Variants in ZNF12 observed in about 807,000 individuals in gnomAD.
The protein encoded by ZNF12 is zinc finger protein 12, also known as gonadotropin inducible transcription repressor 3.
Under a neutral mutation model 66.6 loss-of-function variants are expected in ZNF12, and 34 were observed. The observed-to-expected ratio is 0.51, with a 90% CI of 0.39 to 0.68. ZNF12 has a LOEUF of 0.68. Ranked by LOEUF, ZNF12 falls within the 30% of genes least tolerant of loss-of-function variation. The probability of loss-of-function intolerance (pLI) is 0.00; values close to 1 mark genes in which losing one functional copy is unlikely to be tolerated. For missense variants in ZNF12, 697 were observed against 826.9 expected, an observed-to-expected ratio of 0.84 and a Z score of 1.93; for synonymous variants, 320 against 278.9, an observed-to-expected ratio of 1.15 and a Z score of -1.47.
Position 6,692,008 on chromosome 7 carries a change from G to A in ZNF12, c.934C>T (p.Leu312Phe). ...CGKSFCQKGT[L>F]TVHQRTHTGE... ...GTGTGTGTTCTCTGATGCACAGTAA[G>A]GGTTCCCTTCTGGCAGAAGGATTTC... Residue 312 changes from leucine to phenylalanine, a missense_variant, in exon 5 of 5, where the codon CTT becomes TTT. By Grantham distance (22) the Leu-to-Phe change is conservative (BLOSUM62 0). Coordinates refer to ENST00000405858, the MANE Select transcript of ZNF12 (RefSeq NM_016265.4). This position sits in a 1 kb window ranked among gnomAD's most constrained non-coding sequence, Gnocchi z 5.1. 6.2e-7 allele frequency: 1 copy of A among 1,613,814 alleles called. No individual in the cohort carries two copies. The highest frequency in any genetic ancestry group is 8.5e-7 in the Non-Finnish European group (1 of 1,179,928).
intron 2 of ZNF12, among the ~76,000 whole-genome samples, chr7:6,700,255 A>T (rs1406229388): frequency 6.7e-6 from 1 of 150,100 alleles, no homozygotes; most frequent in African/African-American, 2.5e-5. Context: ...ACTGTACTCC[A>T]GCCTGGGCAA....
At chr7:6,702,398 AAC>A in intron 2 of ZNF12, among the ~76,000 whole-genome samples, 2 of 3,364 alleles carry the variant, frequency 5.9e-4, no homozygotes, top group African/African-American at 1.4e-3. Context: ...ACACACACAC[AAC>A]CAGATTCGTC....
chr7:6,705,333 A>G lies in ZNF12; in HGVS notation c.-50-110T>C. 1 of 735,926 alleles carries G rather than the reference A, an allele frequency of 1.4e-6. No individual in the cohort carries two copies. Among genetic ancestry groups the G allele is most frequent in the Non-Finnish European group, 2.2e-6 (1 of 444,648 alleles). The allele number at this position is 735,926 out of a possible 1,614,324, so 45.6% of individuals were successfully genotyped here. On this transcript the variant is annotated intron_variant, in intron 1 of 4. Transcript: ENST00000405858. The surrounding 1 kb of genome is among the most constrained non-coding windows in gnomAD (Gnocchi z 4.0). ...AGTTCCAAGAAGTACATCTTGTGGG[A>G]GACTGTCCCTTTAAGCCTTCAGAAG... is the stretch of plus-strand genomic sequence containing the variant.
rs1366189092 is a variant in ZNF12 at position 6,698,901 on chromosome 7, T to C, written c.16-1090A>G. Among the ~76,000 whole-genome samples, 1 of 152,228 alleles carries C rather than the reference T, an allele frequency of 6.6e-6. No individual in the cohort carries two copies. The highest frequency in any genetic ancestry group is 1.9e-4 in the East Asian group (1 of 5,204). On this transcript the variant is annotated intron_variant, in intron 2 of 4. Coordinates refer to ENST00000405858, the MANE Select transcript of ZNF12 (RefSeq NM_016265.4). This position sits in a 1 kb window ranked among gnomAD's most constrained non-coding sequence, Gnocchi z 4.4. ...AAAATAAAGAGAATAATGCTACCTA[T>C]ACATAATACCAGTATTAAATGGACT...
chr7:6,694,138 G>GCCTGGGT (rs1383252601), intron 4 of ZNF12, among the ~76,000 whole-genome samples: 5 of 145,016 alleles, frequency 3.4e-5, no homozygotes, highest in Non-Finnish European at 6.3e-5. Flanking sequence ...CTGCACCCCA[G>GCCTGGGT]CCTGGGTGAC....
In ZNF12 at chr7:6,689,393, C is replaced by T. The variant is rs1245338302; in HGVS notation, c.*1455G>A. 1 of 152,214 alleles carries T rather than the reference C, an allele frequency of 6.6e-6. No homozygotes were observed. Among genetic ancestry groups the T allele is most frequent in the African/African-American group, 2.4e-5 (1 of 41,462 alleles). The allele number at this position is 152,214 out of a possible 1,614,324, so 9.4% of individuals were successfully genotyped here. A position where few individuals can be genotyped will look rare whatever the true frequency, so the allele number is the denominator to read the frequency against. ...TGAATCCTTGGGCCTTTGAGAAAAC[C>T]TTTTCCAGAAGTAGTCTGTCAGGTA... On this transcript the variant is annotated 3_prime_UTR_variant, in exon 5 of 5. Transcript: ENST00000405858.
Position 6,696,431 on chromosome 7 carries a change from G to A in ZNF12, c.238+908C>T, listed in dbSNP as rs1780156241. Reference sequence around the variant, plus strand: ...GCCTGATGAGAACAAGAGCAGCTCTGTAACTGGTATCACAGAAAATACCAG... The same window carrying A: ...GCCTGATGAGAACAAGAGCAGCTCTATAACTGGTATCACAGAAAATACCAG... On this transcript the variant is annotated intron_variant, in intron 4 of 4. Coordinates refer to ENST00000405858, the MANE Select transcript of ZNF12 (RefSeq NM_016265.4). The surrounding 1 kb of genome is among the most constrained non-coding windows in gnomAD (Gnocchi z 4.0). 6.6e-6 allele frequency among the ~76,000 whole-genome samples: 1 copy of A among 152,206 alleles called. No individual in the cohort carries two copies. The highest frequency in any genetic ancestry group is 2.4e-5 in the African/African-American group (1 of 41,454).
rs1390830750 is a variant in ZNF12 at position 6,692,155 on chromosome 7, G to GAGAT, written c.783_786dup (p.His263IlefsTer9). ...CATTCATAGGGCTTCATTTCCATAT[G>GAGAT]AGATGTCTGATGTACAGTGAGGTCC... On this transcript the variant is annotated frameshift_variant, in exon 5 of 5. Coordinates refer to ENST00000405858, the MANE Select transcript of ZNF12 (RefSeq NM_016265.4). LOFTEE classifies it high-confidence loss of function. This position sits in a 1 kb window ranked among gnomAD's most constrained non-coding sequence, Gnocchi z 5.1. The GAGAT allele has an allele frequency of 6.2e-7, 1 of 1,614,026 alleles. No individual in the cohort carries two copies. The highest frequency in any genetic ancestry group is 1.3e-5 in the African/African-American group (1 of 74,932).
chr7:6,694,757 T>C (rs996934138), intron 4 of ZNF12, among the ~76,000 whole-genome samples: 1 of 152,072 alleles, frequency 6.6e-6, no homozygotes, highest in African/African-American at 2.4e-5. Flanking sequence ...GTAGGGGATT[T>C]CCATGCTTGA....
At chr7:6,704,693 T>C (rs187049912) in intron 2 of ZNF12, among the ~76,000 whole-genome samples, 2 of 119,988 alleles carry the variant, frequency 1.7e-5, no homozygotes, top group African/African-American at 3.3e-5. Flanking sequence ...TGAGCTGAGA[T>C]AGCGCCACTG....
chr7:6,700,778 T>TTCTAAGGAAGC (rs1780229865), intron 2 of ZNF12: 1 of 152,160 alleles, frequency 6.6e-6, no homozygotes, highest in Non-Finnish European at 1.5e-5. Context: ...GAAGTCCAAA[T>TTCTAAGGAAGC]TCTAAGGAAG....
chr7:6,706,393 A>T, intron 1 of ZNF12, 39 bp downstream of exon 1: 1 of 461,964 alleles, frequency 2.2e-6, no homozygotes, highest in Non-Finnish European at 4.3e-6. Flanking sequence ...GACTTCACCC[A>T]GGCCCTTCTC....
intron 2 of ZNF12, among the ~76,000 whole-genome samples, chr7:6,704,568 TAA>T (rs752684046): frequency 1.6e-3 from 133 of 84,842 alleles, no homozygotes; most frequent in African/African-American, 5.4e-3. Flanking sequence ...GTCTCTACTT[TAA>T]AAAAAAAAAA....
chr7:6,701,639 GC>G lies in ZNF12; in HGVS notation c.15+3519del, dbSNP rs939376700. 2.2e-4 allele frequency among the ~76,000 whole-genome samples: 33 copies of G among 152,040 alleles called. 1 individual carries two copies. The highest frequency in any genetic ancestry group is 3.2e-3 in the Middle Eastern group (1 of 316). On this transcript the variant is annotated intron_variant, in intron 2 of 4. Coordinates refer to ENST00000405858, the MANE Select transcript of ZNF12 (RefSeq NM_016265.4). ...TGCAGCTGCTCTCTCCCAAAACCCGGCCGTCACCCCTCACTCTTGGCTGACG... is the reference window on the plus strand; with the variant it reads ...TGCAGCTGCTCTCTCCCAAAACCCGGCGTCACCCCTCACTCTTGGCTGACG...
At position 6,706,122 on chromosome 7, in the gene ZNF12, G is replaced by A. The variant is rs530709733; in HGVS notation, c.-51+310C>T. On this transcript the variant is annotated intron_variant, in intron 1 of 4. Transcript: ENST00000405858. ...ATGATTCCACAAGAGCAGACCTAAGGGGGAATCAGCACTTAAATGAGAGAA... is the reference window on the plus strand; with the variant it reads ...ATGATTCCACAAGAGCAGACCTAAGAGGGAATCAGCACTTAAATGAGAGAA... 3.9e-5 allele frequency among the ~76,000 whole-genome samples: 6 copies of A among 152,324 alleles called. No individual in the cohort carries two copies. In the South Asian group the frequency reaches 1.0e-3, roughly 26 times the overall value.
At position 6,698,339 on chromosome 7, in the gene ZNF12, C is replaced by T. The variant is rs146906977; in HGVS notation, c.16-528G>A. On this transcript the variant is annotated intron_variant, in intron 2 of 4. Coordinates refer to ENST00000405858, the MANE Select transcript of ZNF12 (RefSeq NM_016265.4). The surrounding 1 kb of genome is among the most constrained non-coding windows in gnomAD (Gnocchi z 4.4). ...CTGTACTTGCTGCTTTGATGGTGAG[C>T]CCTCTTCCTGGCTAATTTAATTACC... 2.0e-5 allele frequency among the ~76,000 whole-genome samples: 3 copies of T among 152,198 alleles called. No individual in the cohort carries two copies. The highest frequency in any genetic ancestry group is 1.3e-4 in the Admixed American group (2 of 15,282).
At position 6,697,936 on chromosome 7, in the gene ZNF12, C is replaced by A; in HGVS notation, c.16-125G>T. ...ACCTTTATTTTATGTTACAGACTGTCAAAGGGAAACAAACATATCAGAAAT... is the reference window on the plus strand; with the variant it reads ...ACCTTTATTTTATGTTACAGACTGTAAAAGGGAAACAAACATATCAGAAAT... On this transcript the variant is annotated intron_variant, in intron 2 of 4. Transcript: ENST00000405858. The surrounding 1 kb of genome is among the most constrained non-coding windows in gnomAD (Gnocchi z 6.1). 1 of 1,096,702 alleles carries A rather than the reference C, an allele frequency of 9.1e-7. No homozygotes were observed. Among genetic ancestry groups the A allele is most frequent in the Non-Finnish European group, 1.4e-6 (1 of 719,768 alleles). 67.9% of individuals were successfully genotyped at this position (1,096,702 alleles called of 1,614,324 possible).
chr7:6,700,449 C>T (rs1335279894), intron 2 of ZNF12, among the ~76,000 whole-genome samples: 1 of 151,922 alleles, frequency 6.6e-6, no homozygotes, highest in Non-Finnish European at 1.5e-5. Flanking sequence ...TGAGTCTTTC[C>T]ATTAAGAGAT....
Position 6,692,440 on chromosome 7 carries a change from A to G in ZNF12, c.502T>C (p.Cys168Arg). ...GSYARMKADE[C>R]SGCGKSLLHI... is the part of the protein sequence containing the mutation. ...AGGAGTGATTTCCCACATCCACTAC[A>G]TTCATCAGCTTTCATTCTTGCATAG... The change falls in exon 5 of 5, where the codon TGT (cysteine) becomes CGT (arginine). Residue 168 changes from cysteine (C) to arginine (R), a missense_variant. Cys to Arg is a radical substitution (Grantham distance 180). Around this residue, in one of 3 missense-constraint regions of ZNF12, gnomAD observed 241 missense variants for 224.0 expected, o/e 1.08. Coordinates refer to ENST00000405858, the MANE Select transcript of ZNF12 (RefSeq NM_016265.4). The surrounding 1 kb of genome is among the most constrained non-coding windows in gnomAD (Gnocchi z 5.1). 1.2e-6 allele frequency: 2 copies of G among 1,613,280 alleles called. No homozygotes were observed. Among genetic ancestry groups the G allele is most frequent in the Non-Finnish European group, 1.7e-6 (2 of 1,179,502 alleles).
Sources: gnomAD v4.1 joint callset for allele counts (sites outside exome capture counted in the v4.1 genomes callset) on GRCh38, gnomAD v4.1.1 for gene constraint, gnomAD v4.1.1 regional missense constraint, Gnocchi (gnomAD v3.1) non-coding constraint, MANE v1.5 for transcripts, NCBI Gene and HGNC (gene_info 2026-07-23, HGNC 2026-07-21) for gene names.